EVA1C: variants seen among roughly 807,000 people sequenced by gnomAD.
EVA1C encodes protein eva-1 homolog C.
In EVA1C, 25 loss-of-function variants were observed where a neutral mutation model predicts 45.4. The observed-to-expected ratio is 0.55, with a 90% CI of 0.40 to 0.77. EVA1C has a LOEUF of 0.77. Ranked by LOEUF, EVA1C falls within the 30% of genes least tolerant of loss-of-function variation. EVA1C has a pLI of 0.00. For synonymous variants in EVA1C, 190 were observed against 221.2 expected, an observed-to-expected ratio of 0.86 and a Z score of 1.25; for missense variants, 479 against 554.8, an observed-to-expected ratio of 0.86 and a Z score of 1.37.
At chr21:32,444,390 T>C (rs1163755386) in intron 1 of EVA1C, among the ~76,000 whole-genome samples, 1 of 152,098 alleles carries the variant, frequency 6.6e-6, no homozygotes, top group African/African-American at 2.4e-5. Flanking sequence ...ACCCCCTCCT[T>C]GGGTTCCATC....
chr21:32,416,583 C>T (rs2034058276), intron 1 of EVA1C, among the ~76,000 whole-genome samples: 1 of 152,132 alleles, frequency 6.6e-6, no homozygotes, highest in Non-Finnish European at 1.5e-5. Context: ...CCCACCTTGG[C>T]CTCCCAATGT....
intron 1 of EVA1C, among the ~76,000 whole-genome samples, chr21:32,440,928 C>G (rs1235967404): frequency 6.6e-6 from 1 of 152,068 alleles, no homozygotes; most frequent in Non-Finnish European, 1.5e-5. Context: ...TGGAGAAAAC[C>G]CGTCTTTATT....
chr21:32,494,436 T>A (rs1202340038), intron 4 of EVA1C, among the ~76,000 whole-genome samples: 1 of 152,220 alleles, frequency 6.6e-6, no homozygotes, highest in Non-Finnish European at 1.5e-5. Context: ...TTCAATGTTC[T>A]TCATATTTTA....
chr21:32,498,533 A>T (rs910866983), intron 5 of EVA1C, among the ~76,000 whole-genome samples: 4 of 151,950 alleles, frequency 2.6e-5, no homozygotes, highest in Admixed American at 2.0e-4. Flanking sequence ...CAGACACATC[A>T]TCATGACCTG....
chr21:32,506,712 CACAGAGGTGCATGTGG>C (rs1290959910), intron 7 of EVA1C, among the ~76,000 whole-genome samples: 2 of 152,082 alleles, frequency 1.3e-5, no homozygotes, highest in African/African-American at 4.8e-5. Flanking sequence ...GCCAGTGTGC[CACAGAGGTGCATGTGG>C]ACATCAGGCT....
intron 1 of EVA1C, among the ~76,000 whole-genome samples, chr21:32,419,116 GTAA>G (rs1370047531): frequency 1.3e-5 from 2 of 152,160 alleles, no homozygotes; most frequent in African/African-American, 4.8e-5. Flanking sequence ...GTTTCTGCCA[GTAA>G]TAATAATTAT....
At chr21:32,501,656 G>A in intron 6 of EVA1C, 161 bp downstream of exon 6, 2 of 761,998 alleles carry the variant, frequency 2.6e-6, no homozygotes, top group South Asian at 2.5e-5. Context: ...TCGGCCAATA[G>A]TTGCAAATGG....
rs2833832 is a variant in EVA1C at position 32,441,592 on chromosome 21, T to G, written c.161-11720T>G. ...TTGGAGTCAGAAACCCATACAATGG[T>G]ACAATGGATTGACATGTGTAGACAA... On this transcript the variant is annotated intron_variant, in intron 1 of 7. Transcript: ENST00000300255. Among the ~76,000 whole-genome samples, 15 of 104,266 alleles carry G rather than the reference T, an allele frequency of 1.4e-4. No homozygotes were observed. The Middle Eastern group carries it at 0.013, about 87-fold the overall frequency. 68.4% of individuals were successfully genotyped at this position (104,266 alleles called of 152,430 possible). A position where few individuals can be genotyped will look rare whatever the true frequency, so the allele number is the denominator to read the frequency against.
rs1053600798 is a variant in EVA1C, at chr21:32,515,286, G to C, written c.*96G>C. 7.4e-7 allele frequency: 1 copy of C among 1,350,284 alleles called. No individual in the cohort carries two copies. Among genetic ancestry groups the C allele is most frequent in the African/African-American group, 1.5e-5 (1 of 68,490 alleles). The allele number at this position is 1,350,284 out of a possible 1,614,324, so 83.6% of individuals were successfully genotyped here. ...GTTCACCTGTACCTTCTATGAAGGA[G>C]AATTCGTCATGTCATTCAACACTCG... On this transcript the variant is annotated 3_prime_UTR_variant, in exon 8 of 8. Transcript: ENST00000300255.
chr21:32,435,931 G>A (rs1426595472), intron 1 of EVA1C, among the ~76,000 whole-genome samples: 5 of 152,284 alleles, frequency 3.3e-5, no homozygotes, highest in Admixed American at 6.5e-5. Flanking sequence ...ATTTAAATAG[G>A]AACATTGGAC....
intron 1 of EVA1C, among the ~76,000 whole-genome samples, chr21:32,438,254 T>C (rs2035037719): frequency 6.6e-6 from 1 of 152,124 alleles, no homozygotes; most frequent in African/African-American, 2.4e-5. Context: ...CCCAGCACTT[T>C]GGGAGGCCAA....
chr21:32,512,164 G>A (rs1329638158), intron 7 of EVA1C, among the ~76,000 whole-genome samples: 1 of 152,170 alleles, frequency 6.6e-6, no homozygotes, highest in African/African-American at 2.4e-5. Context: ...GCAAGGGGAT[G>A]GGGAAGCACA....
chr21:32,450,264 C>T (rs1601295498), intron 1 of EVA1C, among the ~76,000 whole-genome samples: 1 of 148,108 alleles, frequency 6.8e-6, no homozygotes, highest in East Asian at 2.0e-4. Context: ...ATGGTCTAAA[C>T]GCAGCAAAAG....
intron 5 of EVA1C, among the ~76,000 whole-genome samples, chr21:32,496,519 T>TAA (rs1469965026): frequency 1.3e-5 from 2 of 152,228 alleles, no homozygotes; most frequent in Admixed American, 1.3e-4. Context: ...GCTCTGTCTT[T>TAA]ATTCCTGCTG....
At chr21:32,511,109 T>A (rs1340897391) in intron 7 of EVA1C, among the ~76,000 whole-genome samples, 3 of 150,702 alleles carry the variant, frequency 2.0e-5, no homozygotes, top group African/African-American at 4.9e-5. Flanking sequence ...TCATCAAGAG[T>A]CTATAGAAAA....
At chr21:32,444,053 AACACACAC>A (rs60086580) in intron 1 of EVA1C, among the ~76,000 whole-genome samples, 2,617 of 140,010 alleles carry the variant, frequency 0.019, 58 homozygotes, top group African/African-American at 0.052. Flanking sequence ...ATTGTGTGAA[AACACACAC>A]ACACACACAC....
At chr21:32,449,946 A>C (rs1274306937) in intron 1 of EVA1C, among the ~76,000 whole-genome samples, 2 of 152,090 alleles carry the variant, frequency 1.3e-5, no homozygotes, top group African/African-American at 2.4e-5. Context: ...TGAAGAAGGA[A>C]TTGAACTGAG....
intron 4 of EVA1C, among the ~76,000 whole-genome samples, chr21:32,492,293 T>TA (rs2037186694): frequency 6.6e-6 from 1 of 152,076 alleles, no homozygotes; most frequent in East Asian, 1.9e-4. Flanking sequence ...GGGATGGTGA[T>TA]AAGTCCATGT....
At chr21:32,491,581 G>A (rs545972098) in intron 4 of EVA1C, among the ~76,000 whole-genome samples, 43 of 151,492 alleles carry the variant, frequency 2.8e-4, no homozygotes, top group Admixed American at 7.2e-4. Context: ...CTACTTGGTC[G>A]GCTGGGGCAA....
Sources: allele counts gnomAD v4.1 joint callset (sites outside exome capture counted in the v4.1 genomes callset), GRCh38; gene constraint gnomAD v4.1.1; transcripts MANE v1.5; gene names NCBI Gene and HGNC (gene_info 2026-07-23, HGNC 2026-07-21).